Variants in C1orf198 observed in about 807,000 individuals in gnomAD.
C1orf198 encodes chromosome 1 open reading frame 198, also known as uncharacterized protein C1orf198.
C1orf198 carries 17 observed loss-of-function variants against 31.4 expected under a neutral mutation model. That is an observed-to-expected ratio of 0.54 (90% CI 0.37 to 0.81). C1orf198 has a LOEUF of 0.81. Among genes scored for constraint, C1orf198 ranks in the 40% least tolerant of loss-of-function variants. C1orf198 has a pLI of 0.00. For missense variants in C1orf198, 401 were observed against 450.3 expected (o/e 0.89, Z 0.99); for synonymous variants, 175 against 193.8 (o/e 0.90, Z 0.81).
At chr1:230,858,556 T>G (rs574379709) in intron 1 of C1orf198, among the ~76,000 whole-genome samples, 2 of 152,156 alleles carry the variant, frequency 1.3e-5, no homozygotes, top group African/African-American at 2.4e-5. Context: ...CAGCTTTGGA[T>G]CTTTCGAAAA....
intron 1 of C1orf198, among the ~76,000 whole-genome samples, chr1:230,858,973 G>A (rs535736766): frequency 3.9e-5 from 6 of 152,052 alleles, no homozygotes; most frequent in Non-Finnish European, 7.4e-5. Context: ...ACTTAGTGTC[G>A]AGTCAATAGT....
chr1:230,839,999 A>G (rs1031742472), intron 3 of C1orf198, 91 bp from the exon 4 acceptor site: 18 of 1,118,100 alleles, frequency 1.6e-5, no homozygotes, highest in Non-Finnish European at 2.2e-5. Context: ...AAAACGACCC[A>G]GATAAAAGAG....
rs1410836188 is a variant in C1orf198, at chr1:230,843,058, G to A, written c.927+296C>T. Among the ~76,000 whole-genome samples, 3 of 152,266 alleles carry A rather than the reference G, an allele frequency of 2.0e-5. No homozygotes were observed. Among genetic ancestry groups the A allele is most frequent in the Non-Finnish European group, 4.4e-5 (3 of 68,044 alleles). On this transcript the variant is annotated intron_variant, in intron 3 of 3. Coordinates refer to ENST00000366663, the MANE Select transcript of C1orf198 (RefSeq NM_032800.3). This position sits in a 1 kb window ranked among gnomAD's most constrained non-coding sequence, Gnocchi z 4.9. ...GAGCTGTGACAGCCCTGGGCGCAGCGCCTTCCAGGGGCCTCTTCTGATAGC... is the reference window on the plus strand; with the variant it reads ...GAGCTGTGACAGCCCTGGGCGCAGCACCTTCCAGGGGCCTCTTCTGATAGC...
chr1:230,864,812 G>C (rs1390875903), intron 1 of C1orf198, among the ~76,000 whole-genome samples: 1 of 152,206 alleles, frequency 6.6e-6, no homozygotes, highest in African/African-American at 2.4e-5. Context: ...TGCTAGATCA[G>C]TGACAAGAAG....
intron 1 of C1orf198, among the ~76,000 whole-genome samples, chr1:230,858,504 C>A (rs977749281): frequency 6.6e-6 from 1 of 152,206 alleles, no homozygotes; most frequent in African/African-American, 2.4e-5. Context: ...GCTCTTAGTT[C>A]CAGGAGGAAG....
intron 2 of C1orf198, among the ~76,000 whole-genome samples, chr1:230,853,312 A>C (rs1320548277): frequency 6.6e-6 from 1 of 152,148 alleles, no homozygotes; most frequent in Non-Finnish European, 1.5e-5. Context: ...GTCTCCCTCC[A>C]GTCCTGCAAT....
intron 2 of C1orf198, among the ~76,000 whole-genome samples, chr1:230,844,213 A>G (rs6672849): frequency 0.076 from 11,556 of 152,062 alleles, 1,433 homozygotes; most frequent in African/African-American, 0.26. Flanking sequence ...TCTGGATCAC[A>G]GGGGCGGATG....
At chr1:230,853,604 C>G (rs975577647) in intron 2 of C1orf198, among the ~76,000 whole-genome samples, 1 of 152,016 alleles carries the variant, frequency 6.6e-6, no homozygotes, top group Non-Finnish European at 1.5e-5. Context: ...AGTCTGACCT[C>G]GAGAGATCAA....
chr1:230,868,704 T>G, upstream of C1orf198: 2 of 159,534 alleles, frequency 1.3e-5, no homozygotes, highest in Non-Finnish European at 1.8e-5. Context: ...CCCCGGGAGC[T>G]CCTCCCTCCG....
rs183959566 is a variant in C1orf198 at position 230,846,311 on chromosome 1, G to A, written c.385-2415C>T. Among the ~76,000 whole-genome samples the A allele has an allele frequency of 1.1e-3, 171 of 152,332 alleles. 1 individual carries two copies. Among genetic ancestry groups the A allele is most frequent in the African/African-American group, 3.8e-3 (160 of 41,576 alleles). On this transcript the variant is annotated intron_variant, in intron 2 of 3. Transcript: ENST00000366663. ...TGAGTATAATAATTTAAAACTCCCT[G>A]TGCTAACTTAAGATACAAAACATGG...
In C1orf198 at chr1:230,839,482, A is replaced by C; in HGVS notation, c.*370T>G. On this transcript the variant is annotated 3_prime_UTR_variant, in exon 4 of 4. Coordinates refer to ENST00000366663, the MANE Select transcript of C1orf198 (RefSeq NM_032800.3). ...GTAAAAAGCGGAGGGGGGAGGGGGA[A>C]TAATGGAGAAGGAGATGGAAATCAC... is the stretch of plus-strand genomic sequence containing the variant. The C allele has an allele frequency of 9.1e-6, 2 of 219,224 alleles. No individual in the cohort carries two copies. The allele number at this position is 219,224 out of a possible 1,614,324, so 13.6% of individuals were successfully genotyped here. A position where few individuals can be genotyped will look rare whatever the true frequency, so the allele number is the denominator to read the frequency against.
chr1:230,868,692 C>G (rs1670186592), upstream of C1orf198: 4 of 296,588 alleles, frequency 1.3e-5, no homozygotes, highest in South Asian at 5.4e-4. Context: ...CCGTGGCCCC[C>G]TCCCCGGGAG....
chr1:230,853,814 C>A (rs1265450565), intron 2 of C1orf198, among the ~76,000 whole-genome samples: 1 of 152,148 alleles, frequency 6.6e-6, no homozygotes, highest in Non-Finnish European at 1.5e-5. Flanking sequence ...CCTAAGGGAC[C>A]AGATATGCTG....
chr1:230,855,910 G>A (rs1008771503), intron 1 of C1orf198, 192 bp from the exon 2 acceptor site: 15 of 1,348,496 alleles, frequency 1.1e-5, no homozygotes, highest in Admixed American at 6.5e-5. Context: ...CATCTTTCCC[G>A]CTGAGGCTGC....
At chr1:230,855,569 G>T (rs1669851646) in intron 2 of C1orf198, 99 bp downstream of exon 2, 3 of 1,317,538 alleles carry the variant, frequency 2.3e-6, no homozygotes, top group Non-Finnish European at 3.2e-6. Flanking sequence ...CTGGCAGTCA[G>T]GGGGCTGTCT....
Position 230,839,608 on chromosome 1 carries a change from A to AT in C1orf198, c.*243dup, listed in dbSNP as rs751615764. On this transcript the variant is annotated 3_prime_UTR_variant, in exon 4 of 4. Coordinates refer to ENST00000366663, the MANE Select transcript of C1orf198 (RefSeq NM_032800.3). ...TTTTATTTACAAGATCTCCTGAATT[A>AT]TTAACAGACCTTAAAAATTCCAAAT... The AT allele has an allele frequency of 2.3e-6, 1 of 428,458 alleles. No individual in the cohort carries two copies. The highest frequency in any genetic ancestry group is 4.1e-6 in the Non-Finnish European group (1 of 245,892). 26.5% of individuals were successfully genotyped at this position (428,458 alleles called of 1,614,324 possible).
intron 1 of C1orf198, among the ~76,000 whole-genome samples, chr1:230,861,208 A>C (rs1669996803): frequency 6.6e-6 from 1 of 152,076 alleles, no homozygotes; most frequent in African/African-American, 2.4e-5. Flanking sequence ...TGATAAAAAC[A>C]ATGCAGGTTC....
At chr1:230,867,417 G>T (rs921399195) in intron 1 of C1orf198, among the ~76,000 whole-genome samples, 1 of 152,174 alleles carries the variant, frequency 6.6e-6, no homozygotes. Flanking sequence ...CCCTCTAGCA[G>T]TCTGGACAGT....
At chr1:230,839,969 C>A in intron 3 of C1orf198, 61 bp from the exon 4 acceptor site, 2 of 1,442,508 alleles carry the variant, frequency 1.4e-6, no homozygotes, top group South Asian at 1.3e-5. Context: ...TACGTATAAT[C>A]TAAAAACAGC....
Sources: gnomAD v4.1 joint callset for allele counts (sites outside exome capture counted in the v4.1 genomes callset) on GRCh38, gnomAD v4.1.1 for gene constraint, Gnocchi (gnomAD v3.1) non-coding constraint, MANE v1.5 for transcripts, NCBI Gene and HGNC (gene_info 2026-07-23, HGNC 2026-07-21) for gene names.